The following GGTLC3 variants were observed in gnomAD, a reference collection of about 807,000 sequenced individuals.
GGTLC3 encodes glutathione hydrolase light chain 3.
For missense variants in GGTLC3, 2 were observed against 38.4 expected (o/e 0.05, Z 2.50); for synonymous variants, 1 against 15.8 (o/e 0.06, Z 2.22).
At position 18,517,839 on chromosome 22, in the gene GGTLC3, T is replaced by TTAAAAA; in HGVS notation, c.58_59insTTTTTA (p.His20delinsLeuPheAsn). 6 of 51,360 alleles carry TTAAAAA rather than the reference T, an allele frequency of 1.2e-4. No individual in the cohort carries two copies. Among genetic ancestry groups the TTAAAAA allele is most frequent in the Admixed American group, 4.2e-4 (1 of 2,404 alleles). 3.2% of individuals were successfully genotyped at this position (51,360 alleles called of 1,614,324 possible). ...CTCGGGCTTGTAGTAGGAGATCGGGTGAGTGGTGTGGTCAGAGATCTGGGA... is the reference window on the plus strand; with the variant it reads ...CTCGGGCTTGTAGTAGGAGATCGGGTTAAAAAGAGTGGTGTGGTCAGAGATCTGGGA... On this transcript the variant is annotated protein_altering_variant, in exon 2 of 6. Transcript: ENST00000619998.
chr22:18,517,963 G>A, intron 1 of GGTLC3, 32 bp from the exon 2 acceptor site: 1 of 91,532 alleles, frequency 1.1e-5, no homozygotes, highest in Non-Finnish European at 2.0e-5. Context: ...GTGGGGAGGG[G>A]GCACAGGTCT....
chr22:18,516,516 T>C lies in GGTLC3; in HGVS notation c.663A>G (p.Glu221=). ...AAASDSRKGG[E]PAGY is the part of the protein sequence containing the mutation. Reference sequence around the variant, plus strand: ...CCTGGAGCAATCAGTAGCCAGCAGGTTCCCCGCCTTTCCTGGAGTCCGAGG... The same window carrying C: ...CCTGGAGCAATCAGTAGCCAGCAGGCTCCCCGCCTTTCCTGGAGTCCGAGG... Residue 221 remains glutamate (E), a synonymous_variant, in exon 6 of 6, where the codon GAA becomes GAG. Coordinates refer to ENST00000619998, the MANE Select transcript of GGTLC3 (RefSeq NM_001355479.1). The C allele has an allele frequency of 1.8e-6, 1 of 552,354 alleles. No homozygotes were observed. Among genetic ancestry groups the C allele is most frequent in the Non-Finnish European group, 2.6e-6 (1 of 386,662 alleles). 34.2% of individuals were successfully genotyped at this position (552,354 alleles called of 1,614,324 possible).
At position 18,517,818 on chromosome 22, in the gene GGTLC3, G is replaced by GTGGTCGCCGTATCATTAAAAAAA; in HGVS notation, c.79_80insTTTTTTTAATGATACGGCGACCA (p.Pro27LeufsTer133). 1.1e-4 allele frequency: 10 copies of GTGGTCGCCGTATCATTAAAAAAA among 88,542 alleles called. No individual in the cohort carries two copies. Among genetic ancestry groups the GTGGTCGCCGTATCATTAAAAAAA allele is most frequent in the Admixed American group, 2.1e-4 (1 of 4,676 alleles). 5.5% of individuals were successfully genotyped at this position (88,542 alleles called of 1,614,324 possible). A position where few individuals can be genotyped will look rare whatever the true frequency, so the allele number is the denominator to read the frequency against. ...CCCGTCATCCGGCGTGTAGAACTCG[G>GTGGTCGCCGTATCATTAAAAAAA]GCTTGTAGTAGGAGATCGGGTGAGT... On this transcript the variant is annotated frameshift_variant, in exon 2 of 6. Coordinates refer to ENST00000619998, the MANE Select transcript of GGTLC3 (RefSeq NM_001355479.1). LOFTEE classifies it high-confidence loss of function.
chr22:18,517,332 TC>T, intron 3 of GGTLC3, 29 bp downstream of exon 3: 1 of 586,918 alleles, frequency 1.7e-6, no homozygotes, highest in Middle Eastern at 4.6e-4. Flanking sequence ...TCCACCCCAG[TC>T]CCCCACCCCC....
rs749777998 is a variant in GGTLC3, at chr22:18,516,622, C to T, written c.557G>A (p.Arg186Gln). 6.4e-6 allele frequency: 4 copies of T among 628,254 alleles called. 1 individual carries two copies. Among genetic ancestry groups the T allele is most frequent in the Non-Finnish European group, 8.6e-6 (4 of 465,014 alleles). 38.9% of individuals were successfully genotyped at this position (628,254 alleles called of 1,614,324 possible). The change falls in exon 6 of 6, where the codon CGG (arginine) becomes CAG (glutamine). Residue 186 changes from arginine (R) to glutamine (Q), a missense_variant. Coordinates refer to ENST00000619998, the MANE Select transcript of GGTLC3 (RefSeq NM_001355479.1). ...DQAVTAALET[R>Q]HHHTQIASTF... The stretch of plus-strand genomic sequence containing the variant: ...GGATGCGATCTGGGTGTGATGGTGC[C>T]GGGTCTCCAGGGCTGCAGTCACTGC...
chr22:18,517,174 GC>G lies in GGTLC3; in HGVS notation c.389del (p.Gly130AlafsTer22). 4.0e-6 allele frequency: 1 copy of G among 248,476 alleles called. No individual in the cohort carries two copies. The allele number at this position is 248,476 out of a possible 1,614,324, so 15.4% of individuals were successfully genotyped here. A position where few individuals can be genotyped will look rare whatever the true frequency, so the allele number is the denominator to read the frequency against. On this transcript the variant is annotated frameshift_variant, in exon 4 of 6. Coordinates refer to ENST00000619998, the MANE Select transcript of GGTLC3 (RefSeq NM_001355479.1). LOFTEE classifies it high-confidence loss of function. ...QVRMVVGAAGGTQITTDTALA... is the reference protein window; with the variant it reads ...QVRMVVGAAGXTQITTDTALA... Reference sequence around the variant, plus strand: ...GTGCAGTGTCTGTGGTGATCTGCGTGCCCCCAGCAGCTCCCACCACCATCCG... The same window carrying G: ...GTGCAGTGTCTGTGGTGATCTGCGTGCCCCAGCAGCTCCCACCACCATCCG...
Position 18,517,465 on chromosome 22 carries a change from C to CTT in GGTLC3, c.200_201insAA (p.Val68ArgfsTer85). The stretch of plus-strand genomic sequence containing the variant: ...CATTATTGAACAGGATCCCACTGAC[C>CTT]GGGGAGCAGACCTTGGAGCCAAAGC... On this transcript the variant is annotated frameshift_variant, in exon 3 of 6. Coordinates refer to ENST00000619998, the MANE Select transcript of GGTLC3 (RefSeq NM_001355479.1). LOFTEE classifies it high-confidence loss of function. The CTT allele has an allele frequency of 6.4e-6, 1 of 155,228 alleles. No individual in the cohort carries two copies. Among genetic ancestry groups the CTT allele is most frequent in the Non-Finnish European group, 1.1e-5 (1 of 89,512 alleles). The allele number at this position is 155,228 out of a possible 1,614,324, so 9.6% of individuals were successfully genotyped here.
chr22:18,516,664 A>T lies in GGTLC3; in HGVS notation c.532-17T>A. ...AGTCACTGCCTGGGGGTGGGAGGAGAGGGGAAGCCTGAGCAGGGCTCCAGA... is the reference window on the plus strand; with the variant it reads ...AGTCACTGCCTGGGGGTGGGAGGAGTGGGGAAGCCTGAGCAGGGCTCCAGA... On this transcript the variant is annotated splice_polypyrimidine_tract_variant and intron_variant, in intron 5 of 5. Transcript: ENST00000619998. 1 of 586,232 alleles carries T rather than the reference A, an allele frequency of 1.7e-6. No individual in the cohort carries two copies. The highest frequency in any genetic ancestry group is 2.5e-5 in the South Asian group (1 of 39,778). 36.3% of individuals were successfully genotyped at this position (586,232 alleles called of 1,614,324 possible). A position where few individuals can be genotyped will look rare whatever the true frequency, so the allele number is the denominator to read the frequency against.
intron 5 of GGTLC3, 68 bp from the exon 6 acceptor site, chr22:18,516,715 TCACAGGCC>T: frequency 2.7e-6 from 1 of 375,744 alleles, no homozygotes; most frequent in Non-Finnish European, 3.9e-6. Flanking sequence ...ACCTGTGTGG[TCACAGGCC>T]TCAGCCCAGG....
chr22:18,516,607 T>G lies in GGTLC3; in HGVS notation c.572A>C (p.Gln191Pro). ...CACAGCGATGAAGGTGGATGCGATCTGGGTGTGATGGTGCCGGGTCTCCAG... is the reference window on the plus strand; with the variant it reads ...CACAGCGATGAAGGTGGATGCGATCGGGGTGTGATGGTGCCGGGTCTCCAG... ...AALETRHHHT[Q>P]IASTFIAVVQ... The change falls in exon 6 of 6, where the codon CAG becomes CCG. Residue 191 changes from glutamine (Q) to proline (P), a missense_variant. By Grantham distance (76) the Gln-to-Pro change is moderately conservative. Coordinates refer to ENST00000619998, the MANE Select transcript of GGTLC3 (RefSeq NM_001355479.1). 3.2e-6 allele frequency: 2 copies of G among 629,510 alleles called. 1 individual carries two copies. The highest frequency in any genetic ancestry group is 4.3e-6 in the Non-Finnish European group (2 of 465,494). The allele number at this position is 629,510 out of a possible 1,614,324, so 39.0% of individuals were successfully genotyped here.
Sources: gnomAD v4.1 joint callset for allele counts on GRCh38, gnomAD v4.1.1 for gene constraint, MANE v1.5 for transcripts, NCBI Gene and HGNC (gene_info 2026-07-23, HGNC 2026-07-21) for gene names.